Variants in STRADB observed in about 807,000 individuals in gnomAD.
STRADB encodes the protein STE20 related adaptor beta.
Under a neutral mutation model 52.1 loss-of-function variants are expected in STRADB, and 34 were observed. That is an observed-to-expected ratio of 0.65 (90% CI 0.50 to 0.87). The LOEUF (loss-of-function observed/expected upper bound fraction) is 0.87. Among genes scored for constraint, STRADB ranks in the 40% least tolerant of loss-of-function variants. The pLI, the probability that STRADB is intolerant of heterozygous loss-of-function variation, is 0.00. For synonymous variants in STRADB, 133 were observed against 174.5 expected, an observed-to-expected ratio of 0.76 and a Z score of 1.87; for missense variants, 340 against 483.9, an observed-to-expected ratio of 0.70 and a Z score of 2.79.
intron 7 of STRADB, 139 bp from the exon 8 acceptor site, chr2:201,477,480 A>G (rs1952496737): frequency 2.6e-6 from 2 of 760,756 alleles, no homozygotes; most frequent in Non-Finnish European, 4.3e-6. Flanking sequence ...GTTTTGCAGT[A>G]CTGTTTTGCA....
At chr2:201,475,239 AC>A (rs1952453660) in intron 6 of STRADB, among the ~76,000 whole-genome samples, 1 of 152,200 alleles carries the variant, frequency 6.6e-6, no homozygotes. Context: ...CTCACGTAGT[AC>A]TTAGCACAAA....
intron 7 of STRADB, among the ~76,000 whole-genome samples, chr2:201,477,052 GTTTTT>G (rs1221462406): frequency 4.5e-3 from 256 of 57,018 alleles, no homozygotes; most frequent in Non-Finnish European, 5.5e-3. Context: ...AATATTATCA[GTTTTT>G]TTTTTTTTTT....
chr2:201,472,627 T>C (rs1007509397), intron 4 of STRADB, among the ~76,000 whole-genome samples: 32 of 152,190 alleles, frequency 2.1e-4, no homozygotes, highest in Non-Finnish European at 4.4e-4. Flanking sequence ...TATATCGCAA[T>C]TGGTTTATCA....
chr2:201,452,683 T>C (rs1437360179), intron 1 of STRADB, among the ~76,000 whole-genome samples: 1 of 152,244 alleles, frequency 6.6e-6, no homozygotes, highest in South Asian at 2.1e-4. Flanking sequence ...ATTTTAAAGC[T>C]CAACAAAGAG....
rs147316921 is a variant in STRADB, at chr2:201,461,095, G to A, written c.93+2231G>A. On this transcript the variant is annotated intron_variant, in intron 3 of 11. Transcript: ENST00000194530. Reference sequence around the variant, plus strand: ...TAGGGTGAGATGATATTCCCTTGTAGTTTTGATTTGCATTTCTCTGATGAT... The same window carrying A: ...TAGGGTGAGATGATATTCCCTTGTAATTTTGATTTGCATTTCTCTGATGAT... Among the ~76,000 whole-genome samples, 1,324 of 151,926 alleles carry A rather than the reference G, an allele frequency of 8.7e-3. 23 individuals are homozygous for A. Among genetic ancestry groups the A allele is most frequent in the African/African-American group, 0.031 (1,266 of 41,454 alleles).
intron 11 of STRADB, among the ~76,000 whole-genome samples, 169 bp downstream of exon 11, chr2:201,479,700 C>T (rs763575154): frequency 5.5e-4 from 83 of 152,116 alleles, no homozygotes; most frequent in Non-Finnish European, 9.0e-4. Context: ...TATAGACTTT[C>T]TAAAATACTT....
At chr2:201,479,434 A>T (rs1422218301) in intron 10 of STRADB, 55 bp from the exon 11 acceptor site, 1 of 1,490,362 alleles carries the variant, frequency 6.7e-7, no homozygotes, top group African/African-American at 1.5e-5. Flanking sequence ...TTTACACCTG[A>T]AATCTACATT....
At chr2:201,474,500 G>A in intron 5 of STRADB, 147 bp from the exon 6 acceptor site, 1 of 582,502 alleles carries the variant, frequency 1.7e-6, no homozygotes. Context: ...TTTGTGGAGT[G>A]GTTGTGAGAT....
rs1270837979 is a variant in STRADB, at chr2:201,480,194, T to A, written c.*19T>A. On this transcript the variant is annotated 3_prime_UTR_variant, in exon 12 of 12. Coordinates refer to ENST00000194530, the MANE Select transcript of STRADB (RefSeq NM_018571.6). ...ATTCTAGGGCTGCCAAATCATTTTA[T>A]GTCCTATATACTTGACACTTTCTCC... The A allele has an allele frequency of 1.2e-6, 2 of 1,613,286 alleles. No homozygotes were observed. The highest frequency in any genetic ancestry group is 2.7e-5 in the African/African-American group (2 of 74,906).
At chr2:201,476,744 G>A (rs1197582330) in intron 7 of STRADB, among the ~76,000 whole-genome samples, 4 of 151,232 alleles carry the variant, frequency 2.6e-5, no homozygotes, top group African/African-American at 9.7e-5. Context: ...AGAGGCCGAG[G>A]CGTGCAGATC....
At chr2:201,459,841 C>T (rs185473221) in intron 3 of STRADB, among the ~76,000 whole-genome samples, 223 of 151,568 alleles carry the variant, frequency 1.5e-3, no homozygotes, top group Non-Finnish European at 1.6e-3. Flanking sequence ...GTTTCATTCT[C>T]TACTTGAGAT....
chr2:201,461,741 CAATT>C (rs1485172353), intron 3 of STRADB, among the ~76,000 whole-genome samples: 1 of 152,220 alleles, frequency 6.6e-6, no homozygotes, highest in Non-Finnish European at 1.5e-5. Flanking sequence ...GGGTATAACT[CAATT>C]AATCTTTGCC....
intron 4 of STRADB, among the ~76,000 whole-genome samples, chr2:201,470,827 A>C (rs1952378160): frequency 6.6e-6 from 1 of 152,226 alleles, no homozygotes; most frequent in Non-Finnish European, 1.5e-5. Context: ...TTTGTTATAG[A>C]CAACATAAAC....
At chr2:201,463,222 G>T (rs1433320628) in intron 3 of STRADB, among the ~76,000 whole-genome samples, 1 of 150,954 alleles carries the variant, frequency 6.6e-6, no homozygotes, top group African/African-American at 2.4e-5. Context: ...CTGTAATCCC[G>T]CCTACTTGGG....
At chr2:201,452,960 CT>C in intron 1 of STRADB, among the ~76,000 whole-genome samples, 1 of 152,078 alleles carries the variant, frequency 6.6e-6, no homozygotes. Context: ...TTAAATATGA[CT>C]TTTTTTTAAG....
chr2:201,454,400 A>C (rs958193389), intron 1 of STRADB, among the ~76,000 whole-genome samples: 5 of 152,224 alleles, frequency 3.3e-5, no homozygotes, highest in Non-Finnish European at 5.9e-5. Flanking sequence ...TTGGTTTTCT[A>C]CATTGCTTTC....
At position 201,479,531 on chromosome 2, in the gene STRADB, G is replaced by A; in HGVS notation, c.1113G>A (p.Gln371=). The change falls in exon 11 of 12, where the codon CAG becomes CAA. Residue 371 remains glutamine (Q), a splice_region_variant and synonymous_variant. Coordinates refer to ENST00000194530, the MANE Select transcript of STRADB (RefSeq NM_018571.6). ...TATTGTCCCATGTTTTCTTCAAACA[G>A]GTGAGCTGATCTATCATCCGTTGTC... The part of the protein sequence containing the change: ...SSLLSHVFFK[Q]MKEESQDSIL... 1.2e-6 allele frequency: 2 copies of A among 1,600,918 alleles called. No individual in the cohort carries two copies. Among genetic ancestry groups the A allele is most frequent in the Non-Finnish European group, 1.7e-6 (2 of 1,176,986 alleles).
rs147959822 is a variant in STRADB at position 201,478,581 on chromosome 2, G to A, written c.1050G>A (p.Leu350=). The A allele has an allele frequency of 6.4e-5, 104 of 1,613,704 alleles. 2 individuals carry two copies. In the African/African-American group the frequency reaches 1.3e-3, roughly 20 times the overall value. Residue 350 remains leucine, a synonymous_variant, in exon 10 of 12, where the codon TTG becomes TTA. Coordinates refer to ENST00000194530, the MANE Select transcript of STRADB (RefSeq NM_018571.6). ...TCTTTAGCTTGGTACAGCTCTGTTT[G>A]CAACAAGATCCTGAGAAAAGGTAAT... ...PAFFSLVQLC[L]QQDPEKRPSA...
intron 1 of STRADB, among the ~76,000 whole-genome samples, chr2:201,453,722 A>G (rs1011699160): frequency 1.3e-5 from 2 of 152,136 alleles, no homozygotes; most frequent in African/African-American, 4.8e-5. Context: ...GTGTTTGCTA[A>G]TTAGGGGCAC....
Sources: allele counts gnomAD v4.1 joint callset (sites outside exome capture counted in the v4.1 genomes callset), GRCh38; gene constraint gnomAD v4.1.1; transcripts MANE v1.5; gene names NCBI Gene and HGNC (gene_info 2026-07-23, HGNC 2026-07-21).